ACP6: variants seen among roughly 807,000 people sequenced by gnomAD.
ACP6 encodes acid phosphatase 6, lysophosphatidic.
In ACP6, 48 loss-of-function variants were observed where a neutral mutation model predicts 48.1. The ratio of observed to expected loss-of-function variants is 1.00; its 90% CI spans 0.79 to 1.27. ACP6 has a LOEUF of 1.27. Among genes scored for constraint, ACP6 ranks in the 50% most tolerant of loss-of-function variants. The pLI, the probability that ACP6 is intolerant of heterozygous loss-of-function variation, is 0.00. For synonymous variants in ACP6, 172 were observed against 204.2 expected (o/e 0.84, Z 1.34); for missense variants, 485 against 529.1 (o/e 0.92, Z 0.82).
intron 9 of ACP6, chr1:147,648,017 G>GAGTCTGTAACAGAA (rs2148902564): frequency 1.8e-6 from 1 of 564,232 alleles, no homozygotes; most frequent in East Asian, 2.9e-5. Context: ...CTGTTCCTAG[G>GAGTCTGTAACAGAA]AGTCTGTAAC....
intron 1 of ACP6, among the ~76,000 whole-genome samples, chr1:147,663,182 G>C (rs1660631729): frequency 6.6e-6 from 1 of 152,184 alleles, no homozygotes; most frequent in Non-Finnish European, 1.5e-5. Flanking sequence ...TTGCTTTATT[G>C]TGGTGGTCTA....
chr1:147,642,162 T>A (rs1659471556), downstream of ACP6: 2 of 152,142 alleles, frequency 1.3e-5, no homozygotes, highest in Admixed American at 1.3e-4. Flanking sequence ...TTTCCTTTAC[T>A]CCATGCTTCC....
intron 7 of ACP6, 40 bp from the exon 8 acceptor site, chr1:147,650,278 TCAG>T: frequency 6.9e-7 from 1 of 1,458,356 alleles, no homozygotes; most frequent in Non-Finnish European, 9.4e-7. Context: ...TAGAGGGCAC[TCAG>T]CATTCAGGGG....
chr1:147,661,678 G>A (rs587624048), intron 1 of ACP6, among the ~76,000 whole-genome samples: 1 of 152,314 alleles, frequency 6.6e-6, no homozygotes, highest in African/African-American at 2.4e-5. Flanking sequence ...AGAAAGCTAA[G>A]ATAAGCCAAA....
chr1:147,657,546 GA>G (rs2148910407), intron 4 of ACP6, among the ~76,000 whole-genome samples: 1 of 152,170 alleles, frequency 6.6e-6, no homozygotes, highest in East Asian at 1.9e-4. Context: ...TCAGCCTCCT[GA>G]ATAGCTGGGA....
At chr1:147,636,256 A>G (rs587669811) in intron 5 of ACP6, among the ~76,000 whole-genome samples, 1 of 151,922 alleles carries the variant, frequency 6.6e-6, no homozygotes, top group East Asian at 1.9e-4. Context: ...GATAGAAGAA[A>G]AATATAAATA....
rs1390698797 is a variant in ACP6, at chr1:147,644,498, T to G, written c.*2925A>C. 1 of 152,060 alleles carries G rather than the reference T, an allele frequency of 6.6e-6. No homozygotes were observed. The highest frequency in any genetic ancestry group is 1.5e-5 in the Non-Finnish European group (1 of 68,016). The allele number at this position is 152,060 out of a possible 1,614,324, so 9.4% of individuals were successfully genotyped here. A position where few individuals can be genotyped will look rare whatever the true frequency, so the allele number is the denominator to read the frequency against. On this transcript the variant is annotated 3_prime_UTR_variant, in exon 10 of 10. Coordinates refer to ENST00000583509, the MANE Select transcript of ACP6 (RefSeq NM_016361.5). ...CTTTGTTTTAAAAGCAACACTGTGT[T>G]GAGAATAGATGGGCAGAGAAGGGAA...
rs142900921 is a variant in ACP6 at position 147,668,972 on chromosome 1, A to G, written c.219+858T>C. Among the ~76,000 whole-genome samples, 780 of 152,350 alleles carry G rather than the reference A, an allele frequency of 5.1e-3. 2 individuals carry two copies. Among genetic ancestry groups the G allele is most frequent in the Non-Finnish European group, 7.4e-3 (505 of 68,036 alleles). ...CGACCTCCTCCAACATCAACCTGGAAGACCAACGATACAAAAGCACTCCAC... is the reference window on the plus strand; with the variant it reads ...CGACCTCCTCCAACATCAACCTGGAGGACCAACGATACAAAAGCACTCCAC... On this transcript the variant is annotated intron_variant, in intron 1 of 9. Transcript: ENST00000583509.
downstream of ACP6, among the ~76,000 whole-genome samples, chr1:147,641,711 T>C (rs1557875203): frequency 6.6e-6 from 1 of 152,236 alleles, no homozygotes; most frequent in African/African-American, 2.4e-5. Flanking sequence ...ATCAGGTAGA[T>C]AAACATTAAC....
rs1237120284 is a variant in ACP6 at position 147,663,963 on chromosome 1, C to T, written c.220-4188G>A. Among the ~76,000 whole-genome samples, 3 of 152,122 alleles carry T rather than the reference C, an allele frequency of 2.0e-5. No homozygotes were observed. In the East Asian group the frequency reaches 5.8e-4, roughly 29 times the overall value. On this transcript the variant is annotated intron_variant, in intron 1 of 9. Coordinates refer to ENST00000583509, the MANE Select transcript of ACP6 (RefSeq NM_016361.5). Reference sequence around the variant, plus strand: ...CCTACTACTTTGTTTAGTTTTAAAACTAACATTTGGAAACCTACTATGTCA... The same window carrying T: ...CCTACTACTTTGTTTAGTTTTAAAATTAACATTTGGAAACCTACTATGTCA...
intron 1 of ACP6, among the ~76,000 whole-genome samples, chr1:147,667,119 C>T (rs1228865666): frequency 6.6e-6 from 1 of 152,070 alleles, no homozygotes; most frequent in African/African-American, 2.4e-5. Flanking sequence ...AATGGCCAAT[C>T]AAGTTCTATA....
rs1661034804 is a variant in ACP6 at position 147,670,307 on chromosome 1, T to G, written c.-259A>C. The G allele has an allele frequency of 4.8e-6, 2 of 418,944 alleles. No individual in the cohort carries two copies. The highest frequency in any genetic ancestry group is 1.0e-4 in the South Asian group (2 of 19,832). 26.0% of individuals were successfully genotyped at this position (418,944 alleles called of 1,614,324 possible). ...CCGGGTCGGGGTTGGTCGCTCCTGC[T>G]GCACACCGGGCCGGGGGAGATCGGA... On this transcript the variant is annotated 5_prime_UTR_variant, in exon 1 of 10. Transcript: ENST00000583509.
At chr1:147,652,737 G>T in intron 6 of ACP6, 188 bp from the exon 7 acceptor site, 10 of 965,210 alleles carry the variant, frequency 1.0e-5, no homozygotes, top group South Asian at 1.6e-5. Flanking sequence ...GCTATTACTA[G>T]ATACCTGAAG....
Position 147,644,205 on chromosome 1 carries a change from AAT to A in ACP6, c.*3216_*3217del, listed in dbSNP as rs1182485879. Reference sequence around the variant, plus strand: ...AAAGTGATGAGTAGATGAAGTGATGAATATGTTAATTAGCTTGATTTAATCAT... The same window carrying A: ...AAAGTGATGAGTAGATGAAGTGATGAATGTTAATTAGCTTGATTTAATCAT... On this transcript the variant is annotated 3_prime_UTR_variant, in exon 10 of 10. Coordinates refer to ENST00000583509, the MANE Select transcript of ACP6 (RefSeq NM_016361.5). 1 of 152,246 alleles carries A rather than the reference AAT, an allele frequency of 6.6e-6. No individual in the cohort carries two copies. The highest frequency in any genetic ancestry group is 1.5e-5 in the Non-Finnish European group (1 of 68,052). The allele number at this position is 152,246 out of a possible 1,614,324, so 9.4% of individuals were successfully genotyped here.
intron 5 of ACP6, among the ~76,000 whole-genome samples, chr1:147,633,300 CCCTGGT>C (rs1659217634): frequency 6.6e-6 from 1 of 152,178 alleles, no homozygotes; most frequent in Admixed American, 6.5e-5. Context: ...AAGCTAAATG[CCCTGGT>C]CCATCAATTA....
chr1:147,632,995 A>G (rs1162295825), intron 5 of ACP6, among the ~76,000 whole-genome samples: 3 of 152,186 alleles, frequency 2.0e-5, no homozygotes, highest in African/African-American at 7.2e-5. Flanking sequence ...GCTGAAAGAA[A>G]GGTAGAATCG....
At chr1:147,638,627 A>G (rs1553208304), downstream of ACP6, among the ~76,000 whole-genome samples, 1 of 152,194 alleles carries the variant, frequency 6.6e-6, no homozygotes, top group Non-Finnish European at 1.5e-5. Context: ...GGCCTATTCC[A>G]TGAGGCCTTG....
At chr1:147,635,229 A>G (rs1448982927) in intron 5 of ACP6, among the ~76,000 whole-genome samples, 9 of 151,948 alleles carry the variant, frequency 5.9e-5, no homozygotes, top group African/African-American at 2.2e-4. Flanking sequence ...CTTTTTATCT[A>G]CTCCAGGGTA....
At chr1:147,649,181 C>A (rs1478531518) in intron 8 of ACP6, among the ~76,000 whole-genome samples, 1 of 152,218 alleles carries the variant, frequency 6.6e-6, no homozygotes, top group Non-Finnish European at 1.5e-5. Flanking sequence ...CTTACGCCAT[C>A]ATGAGTTTCT....
Sources: allele counts gnomAD v4.1 joint callset (sites outside exome capture counted in the v4.1 genomes callset), GRCh38; gene constraint gnomAD v4.1.1; transcripts MANE v1.5; gene names NCBI Gene and HGNC (gene_info 2026-07-23, HGNC 2026-07-21).